Variants in ATP1B4 observed in about 807,000 individuals in gnomAD.
The protein encoded by ATP1B4 is protein ATP1B4.
In ATP1B4, 32 loss-of-function variants were observed where a neutral mutation model predicts 29.6. That is an observed-to-expected ratio of 1.08 (90% CI 0.82 to 1.45). The LOEUF is 1.45. ATP1B4 is among the 40% of genes most tolerant of loss of function. The pLI is 0.00. For missense variants in ATP1B4, 323 were observed against 276.2 expected (o/e 1.17, Z -1.20); for synonymous variants, 127 against 102.1 (o/e 1.24, Z -1.47).
intron 1 of ATP1B4, 104 bp downstream of exon 1, chrX:120,362,335 G>A: frequency 1.3e-6 from 1 of 797,483 alleles, no homozygotes; most frequent in Non-Finnish European, 1.9e-6. Context: ...CTCTCTTTGA[G>A]ACGGGCAGAA....
chrX:120,378,569 A>T (rs2058367416), intron 6 of ATP1B4, 109 bp from the exon 7 acceptor site: 1 of 648,976 alleles, frequency 1.5e-6, no homozygotes, highest in African/African-American at 2.2e-5. Context: ...TTCCTGGAAC[A>T]GTTGGTTATG....
At chrX:120,377,266 G>C in intron 6 of ATP1B4, among the ~76,000 whole-genome samples, 1 of 112,411 alleles carries the variant, frequency 8.9e-6, no homozygotes, top group Middle Eastern at 4.6e-3. Context: ...TTATATAGCA[G>C]ATCCTCTGCT....
intron 6 of ATP1B4, among the ~76,000 whole-genome samples, 180 bp downstream of exon 6, chrX:120,376,616 G>C (rs759006740): frequency 2.3e-4 from 26 of 111,814 alleles, no homozygotes; most frequent in Non-Finnish European, 4.5e-4. Context: ...CAATTCATGT[G>C]TGTTTGTGTG....
chrX:120,368,985 C>T (rs181310971), intron 2 of ATP1B4, among the ~76,000 whole-genome samples: 4 of 111,652 alleles, frequency 3.6e-5, no homozygotes, highest in Admixed American at 2.9e-4. Context: ...AACTCTAGGG[C>T]GCCCACTCCT....
rs762936669 is a variant in ATP1B4 at position 120,375,996 on chromosome X, G to C, written c.760-384G>C. ...GAATACTGAGCTGTTTGGAACAGGG[G>C]ATTGAAATGAGGGTGGCATGGGGGA... On this transcript the variant is annotated intron_variant, in intron 5 of 7. Transcript: ENST00000218008. Among the ~76,000 whole-genome samples, 117 of 111,663 alleles carry C rather than the reference G, an allele frequency of 1.0e-3. No homozygotes were observed. The Middle Eastern group carries it at 0.014, about 13-fold the overall frequency.
chrX:120,379,598 G>A lies in ATP1B4; in HGVS notation c.1038G>A (p.Val346=), dbSNP rs1336268921. ...ATGATGTCATCAATGATCGTTTTGT[G>A]GGCAGGGTAATCTTTACCCTGAACA... The part of the protein sequence containing the change: ...VINDVINDRF[V]GRVIFTLNIE... Residue 346 remains valine, a synonymous_variant, in exon 8 of 8, where the codon GTG becomes GTA. Transcript: ENST00000218008. 3 of 1,210,447 alleles carry A rather than the reference G, an allele frequency of 2.5e-6. No homozygotes were observed. The highest frequency in any genetic ancestry group is 3.0e-5 in the East Asian group (1 of 33,746).
intron 6 of ATP1B4, among the ~76,000 whole-genome samples, chrX:120,377,574 A>G (rs1369323580): frequency 1.8e-5 from 2 of 112,429 alleles, no homozygotes; most frequent in Admixed American, 9.4e-5. Flanking sequence ...TTAAGTTAGC[A>G]TATTAACTGG....
chrX:120,370,541 A>G (rs1311802642), intron 2 of ATP1B4, among the ~76,000 whole-genome samples, 174 bp from the exon 3 acceptor site: 1 of 112,083 alleles, frequency 8.9e-6, no homozygotes, highest in East Asian at 2.8e-4. Context: ...GACCCCTGAC[A>G]CAATCCTCAC....
chrX:120,375,483 C>G lies in ATP1B4; in HGVS notation c.674C>G (p.Ser225Cys). ...AAGAAGGCCTGCCAATTTAAGCGCT[C>G]CTTCCTAAAGAACTGCTCTGGTCTG... ...EDKKACQFKRSFLKNCSGLED... is the reference protein window; with the variant it reads ...EDKKACQFKRCFLKNCSGLED... Residue 225 changes from serine to cysteine, a missense_variant, in exon 5 of 8, where the codon TCC becomes TGC. Coordinates refer to ENST00000218008, the MANE Select transcript of ATP1B4 (RefSeq NM_001142447.3). The G allele has an allele frequency of 8.3e-7, 1 of 1,211,276 alleles. No homozygotes were observed. Among genetic ancestry groups the G allele is most frequent in the Non-Finnish European group, 1.1e-6 (1 of 895,219 alleles).
chrX:120,378,867 T>C (rs1490257908), intron 7 of ATP1B4, 94 bp downstream of exon 7: 1 of 779,466 alleles, frequency 1.3e-6, no homozygotes, highest in Non-Finnish European at 1.9e-6. Flanking sequence ...GAGCAGGAGA[T>C]AGTAGAGGGG....
Position 120,377,308 on chromosome X carries a change from C to T in ATP1B4, c.816+872C>T, listed in dbSNP as rs138264192. 6.4e-3 allele frequency among the ~76,000 whole-genome samples: 722 copies of T among 112,358 alleles called. 5 individuals carry two copies. The highest frequency in any genetic ancestry group is 0.011 in the Admixed American group (112 of 10,584). On this transcript the variant is annotated intron_variant, in intron 6 of 7. Transcript: ENST00000218008. ...TAGAAGTGTCGAGGTAAGAGTATGA[C>T]TCCGTCTCTGAAATCAAGACAATCA...
At chrX:120,375,662 A>G (rs1440252593) in intron 5 of ATP1B4, 94 bp downstream of exon 5, 2 of 771,963 alleles carry the variant, frequency 2.6e-6, no homozygotes, top group African/African-American at 4.3e-5. Context: ...GTCTTCACAC[A>G]CCACAGGTTT....
chrX:120,366,871 G>A, intron 2 of ATP1B4, 82 bp downstream of exon 2: 1 of 1,138,692 alleles, frequency 8.8e-7, no homozygotes, highest in Non-Finnish European at 1.2e-6. Flanking sequence ...CCATACGCTG[G>A]ATGGGCTTGT....
rs1257094465 is a variant in ATP1B4, at chrX:120,383,149, G to A, written c.*3515G>A. 1.8e-5 allele frequency: 2 copies of A among 111,512 alleles called. No individual in the cohort carries two copies. The highest frequency in any genetic ancestry group is 6.5e-5 in the African/African-American group (2 of 30,674). 9.2% of individuals were successfully genotyped at this position (111,512 alleles called of 1,213,427 possible). A position where few individuals can be genotyped will look rare whatever the true frequency, so the allele number is the denominator to read the frequency against. ...ATTATCCTAAAGTAACTTTTTTTAG[G>A]CACCTATTTTCTGGGGATCAACATG... On this transcript the variant is annotated 3_prime_UTR_variant, in exon 8 of 8. Transcript: ENST00000218008.
intron 2 of ATP1B4, among the ~76,000 whole-genome samples, chrX:120,369,853 ATTGTAC>A (rs2058304301): frequency 2.7e-5 from 3 of 112,501 alleles, no homozygotes; most frequent in Non-Finnish European, 5.6e-5. Flanking sequence ...AAGTACCACT[ATTGTAC>A]AGACGAGGAA....
chrX:120,368,328 C>T (rs2058296188), intron 2 of ATP1B4, among the ~76,000 whole-genome samples: 2 of 111,946 alleles, frequency 1.8e-5, no homozygotes, highest in African/African-American at 6.5e-5. Flanking sequence ...AAGCACACGC[C>T]TTGCTGTCTT....
chrX:120,371,966 C>G (rs1460296041), intron 4 of ATP1B4, among the ~76,000 whole-genome samples: 2 of 112,634 alleles, frequency 1.8e-5, no homozygotes, highest in Non-Finnish European at 3.7e-5. Context: ...CCGCGCCCAG[C>G]CAAGTGTCAT....
At chrX:120,364,245 A>G (rs1424815518) in intron 1 of ATP1B4, among the ~76,000 whole-genome samples, 1 of 112,116 alleles carries the variant, frequency 8.9e-6, no homozygotes, top group East Asian at 2.8e-4. Context: ...AAAATTGTTC[A>G]GGAAATATAA....
At position 120,362,185 on chromosome X, in the gene ATP1B4, G is replaced by C; in HGVS notation, c.17G>C (p.Arg6Pro). 8.3e-7 allele frequency: 1 copy of C among 1,211,084 alleles called. No individual in the cohort carries two copies. The highest frequency in any genetic ancestry group is 1.1e-6 in the Non-Finnish European group (1 of 895,119). The change falls in exon 1 of 8, where the codon CGG (arginine) becomes CCG (proline). Residue 6 changes from arginine to proline, a missense_variant. Coordinates refer to ENST00000218008, the MANE Select transcript of ATP1B4 (RefSeq NM_001142447.3). MRRQL[R>P]SRRAPSFPYS... ...TGAACAGCCATGAGAAGGCAACTCCGGTCCAGAAGGGCTCCATCCTTTCCT... is the reference window on the plus strand; with the variant it reads ...TGAACAGCCATGAGAAGGCAACTCCCGTCCAGAAGGGCTCCATCCTTTCCT...
Sources: gnomAD v4.1 joint callset for allele counts (sites outside exome capture counted in the v4.1 genomes callset) on GRCh38, gnomAD v4.1.1 for gene constraint, MANE v1.5 for transcripts, NCBI Gene and HGNC (gene_info 2026-07-23, HGNC 2026-07-21) for gene names.